SERPINB11: variants seen among roughly 807,000 people sequenced by gnomAD.
SERPINB11 encodes serpin family B member 11, also known as serpin B11.
In SERPINB11, 32 loss-of-function variants were observed where a neutral mutation model predicts 36.7. That is an observed-to-expected ratio of 0.87 (90% CI 0.66 to 1.17). SERPINB11 has a LOEUF of 1.17. Ranked by LOEUF, SERPINB11 falls within the 50% of genes most tolerant of loss-of-function variation. The pLI, the probability that SERPINB11 is intolerant of heterozygous loss-of-function variation, is 0.00. For synonymous variants in SERPINB11, 174 were observed against 168.1 expected, an observed-to-expected ratio of 1.04 and a Z score of -0.27; for missense variants, 528 against 458.4, an observed-to-expected ratio of 1.15 and a Z score of -1.39.
intron 5 of SERPINB11, 142 bp downstream of exon 5, chr18:63,716,294 A>C (rs962791425): frequency 3.9e-6 from 2 of 514,542 alleles, no homozygotes; most frequent in African/African-American, 3.9e-5. Context: ...ATATTTTGGA[A>C]TACCCCTTAC....
chr18:63,721,238 C>G (rs1248435343), intron 7 of SERPINB11, among the ~76,000 whole-genome samples: 2 of 152,132 alleles, frequency 1.3e-5, no homozygotes, highest in Non-Finnish European at 2.9e-5. Context: ...ATATTTTGTA[C>G]AAATACACAC....
chr18:63,720,882 G>A lies in SERPINB11; in HGVS notation c.670G>A (p.Ala224Thr), dbSNP rs772854123. 8.8e-6 allele frequency: 14 copies of A among 1,582,872 alleles called. No homozygotes were observed. The highest frequency in any genetic ancestry group is 1.9e-4 in the Middle Eastern group (1 of 5,312). Reference protein sequence around the residue: ...MMYQIGTFKLAFVKEPQMQVL... With the variant: ...MMYQIGTFKLTFVKEPQMQVL... ...GTATCAAATTGGAACATTTAAACTG[G>A]CCTTTGTAAAGGAGCCGCAGATGCA... The change falls in exon 7 of 8, where the codon GCC (alanine) becomes ACC (threonine). Residue 224 changes from alanine (A) to threonine (T), a missense_variant. Ala to Thr is a moderately conservative substitution (Grantham distance 58). Transcript: ENST00000544088.
chr18:63,723,621 C>G lies in SERPINB11; in HGVS notation c.*222C>G, dbSNP rs1914887075. The G allele has an allele frequency of 4.4e-6, 2 of 458,490 alleles. No individual in the cohort carries two copies. Among genetic ancestry groups the G allele is most frequent in the Non-Finnish European group, 7.6e-6 (2 of 261,952 alleles). The allele number at this position is 458,490 out of a possible 1,614,324, so 28.4% of individuals were successfully genotyped here. A position where few individuals can be genotyped will look rare whatever the true frequency, so the allele number is the denominator to read the frequency against. On this transcript the variant is annotated 3_prime_UTR_variant, in exon 8 of 8. Transcript: ENST00000544088. ...AGATTTATGCAGAAAGCCTTTCTGG[C>G]TTTCTTATCTGTGGTGTCTCATTTG...
At chr18:63,714,040 G>A (rs1454082849) in intron 4 of SERPINB11, among the ~76,000 whole-genome samples, 1 of 152,080 alleles carries the variant, frequency 6.6e-6, no homozygotes, top group African/African-American at 2.4e-5. Flanking sequence ...AGTATATTGG[G>A]GGAACCCGCC....
At chr18:63,717,232 CA>C (rs2144545587) in intron 5 of SERPINB11, among the ~76,000 whole-genome samples, 1 of 152,118 alleles carries the variant, frequency 6.6e-6, no homozygotes, top group Non-Finnish European at 1.5e-5. Flanking sequence ...TATTAATATA[CA>C]TTTCATTCTC....
chr18:63,715,611 C>A (rs1435872827), intron 4 of SERPINB11, among the ~76,000 whole-genome samples: 1 of 152,106 alleles, frequency 6.6e-6, no homozygotes, highest in Non-Finnish European at 1.5e-5. Context: ...ATGGGAGCAA[C>A]CTTCTGTTAG....
intron 5 of SERPINB11, 22 bp from the exon 6 acceptor site, chr18:63,719,991 A>G (rs763859099): frequency 1.3e-5 from 20 of 1,574,180 alleles, no homozygotes; most frequent in Non-Finnish European, 1.6e-5. Flanking sequence ...TCCAAATATA[A>G]TTATCTTATT....
intron 4 of SERPINB11, among the ~76,000 whole-genome samples, 189 bp downstream of exon 4, chr18:63,712,882 A>C (rs1043458751): frequency 6.6e-6 from 1 of 152,224 alleles, no homozygotes; most frequent in Non-Finnish European, 1.5e-5. Flanking sequence ...ATCACATAAA[A>C]ATGACTTCTT....
chr18:63,717,057 T>C (rs1914687369), intron 5 of SERPINB11, among the ~76,000 whole-genome samples: 1 of 152,058 alleles, frequency 6.6e-6, no homozygotes, highest in South Asian at 2.1e-4. Flanking sequence ...AATAAGCCCC[T>C]TTTTTCCCAA....
At chr18:63,708,297 A>T (rs1244472287) in intron 1 of SERPINB11, among the ~76,000 whole-genome samples, 1 of 152,188 alleles carries the variant, frequency 6.6e-6, no homozygotes, top group African/African-American at 2.4e-5. Flanking sequence ...ACTGATATTT[A>T]AAAAATACTA....
chr18:63,706,961 G>C (rs1456776757), intron 1 of SERPINB11, among the ~76,000 whole-genome samples: 4 of 152,180 alleles, frequency 2.6e-5, no homozygotes, highest in African/African-American at 7.2e-5. Context: ...GAAGAAGAGG[G>C]CTGGTTTCCT....
At chr18:63,718,228 T>C (rs1208724094) in intron 5 of SERPINB11, among the ~76,000 whole-genome samples, 1 of 152,018 alleles carries the variant, frequency 6.6e-6, no homozygotes, top group Admixed American at 6.6e-5. Context: ...GGAAGTGTAA[T>C]CCCTCCAATG....
At chr18:63,722,356 C>T (rs938409066) in intron 7 of SERPINB11, among the ~76,000 whole-genome samples, 1 of 152,072 alleles carries the variant, frequency 6.6e-6, no homozygotes, top group East Asian at 1.9e-4. Context: ...GAGTTCAATG[C>T]CCGAGGGAGG....
At chr18:63,703,923 C>T (rs536482324) in intron 1 of SERPINB11, among the ~76,000 whole-genome samples, 6 of 151,968 alleles carry the variant, frequency 3.9e-5, no homozygotes, top group Middle Eastern at 3.4e-3. Context: ...TTCTTTTCTT[C>T]GTTTCTGTCA....
chr18:63,712,009 T>C (rs1428299446), intron 3 of SERPINB11, among the ~76,000 whole-genome samples: 5 of 152,182 alleles, frequency 3.3e-5, no homozygotes, highest in African/African-American at 1.2e-4. Flanking sequence ...CTTTAGGGAA[T>C]GCTTTAGGGA....
At chr18:63,718,415 T>A (rs1009221529) in intron 5 of SERPINB11, among the ~76,000 whole-genome samples, 18 of 152,050 alleles carry the variant, frequency 1.2e-4, no homozygotes, top group Non-Finnish European at 2.2e-4. Context: ...TCCATGACCA[T>A]GAAATTTACC....
intron 7 of SERPINB11, 87 bp downstream of exon 7, chr18:63,721,073 A>G (rs1172064058): frequency 1.3e-5 from 15 of 1,195,238 alleles, no homozygotes; most frequent in Middle Eastern, 2.8e-4. Flanking sequence ...ATCTCATGAC[A>G]TTAGCGTAGT....
Position 63,723,617 on chromosome 18 carries a change from C to A in SERPINB11, c.*218C>A, listed in dbSNP as rs1914886715. ...AGGTAGATTTATGCAGAAAGCCTTT[C>A]TGGCTTTCTTATCTGTGGTGTCTCA... is the stretch of plus-strand genomic sequence containing the variant. On this transcript the variant is annotated 3_prime_UTR_variant, in exon 8 of 8. Coordinates refer to ENST00000544088, the MANE Select transcript of SERPINB11 (RefSeq NM_001370475.1). 2 of 467,126 alleles carry A rather than the reference C, an allele frequency of 4.3e-6. No homozygotes were observed. The highest frequency in any genetic ancestry group is 7.5e-6 in the Non-Finnish European group (2 of 267,572). 28.9% of individuals were successfully genotyped at this position (467,126 alleles called of 1,614,324 possible). A position where few individuals can be genotyped will look rare whatever the true frequency, so the allele number is the denominator to read the frequency against.
chr18:63,704,209 A>G (rs1395460846), intron 1 of SERPINB11, among the ~76,000 whole-genome samples: 1 of 152,258 alleles, frequency 6.6e-6, no homozygotes, highest in African/African-American at 2.4e-5. Flanking sequence ...ACAATTTCAC[A>G]GAAGAATTTT....
Sources: gnomAD v4.1 joint callset for allele counts (sites outside exome capture counted in the v4.1 genomes callset) on GRCh38, gnomAD v4.1.1 for gene constraint, MANE v1.5 for transcripts, NCBI Gene and HGNC (gene_info 2026-07-23, HGNC 2026-07-21) for gene names.